The following MINDY4 variants were observed in gnomAD, a reference collection of about 807,000 sequenced individuals.
The protein encoded by MINDY4 is MINDY lysine 48 deubiquitinase 4.
In MINDY4, 68 loss-of-function variants were observed where a neutral mutation model predicts 87.0. The observed-to-expected ratio is 0.78, with a 90% CI of 0.64 to 0.96. The LOEUF is 0.96. Ranked by LOEUF, MINDY4 falls within the 40% of genes least tolerant of loss-of-function variation. The probability of loss-of-function intolerance (pLI) is 0.00; values close to 1 mark genes in which losing one functional copy is unlikely to be tolerated. For missense variants in MINDY4, 919 were observed against 928.2 expected (o/e 0.99, Z 0.13); for synonymous variants, 379 against 363.2 (o/e 1.04, Z -0.50).
chr7:30,828,625 G>T, intron 5 of MINDY4, 54 bp from the exon 6 acceptor site: 1 of 1,574,156 alleles, frequency 6.4e-7, no homozygotes, highest in Non-Finnish European at 8.7e-7. Context: ...CTTCTCTGCC[G>T]TTTACATTTC....
chr7:30,808,697 A>T (rs574890444), intron 5 of MINDY4, among the ~76,000 whole-genome samples: 1 of 152,308 alleles, frequency 6.6e-6, no homozygotes, highest in Admixed American at 6.5e-5. Flanking sequence ...ATCAGAAGGA[A>T]GCCTGGACAG....
At chr7:30,789,901 C>T (rs1787270336) in intron 4 of MINDY4, among the ~76,000 whole-genome samples, 2 of 152,168 alleles carry the variant, frequency 1.3e-5, no homozygotes, top group Non-Finnish European at 2.9e-5. Flanking sequence ...TCAATTGACT[C>T]CTCTAGAATT....
At chr7:30,855,129 C>G (rs560278359) in intron 12 of MINDY4, among the ~76,000 whole-genome samples, 1 of 151,318 alleles carries the variant, frequency 6.6e-6, no homozygotes, top group African/African-American at 2.5e-5. Context: ...GAGCAGGGGC[C>G]TGGGGGCCCC....
At chr7:30,845,536 AGG>A (rs71697406) in intron 9 of MINDY4, among the ~76,000 whole-genome samples, 1 of 140,456 alleles carries the variant, frequency 7.1e-6, no homozygotes, top group South Asian at 2.3e-4. Context: ...AAAAAAAAAA[AGG>A]GCAAGCTCTT....
At chr7:30,789,122 A>G (rs1054295139) in intron 4 of MINDY4, among the ~76,000 whole-genome samples, 1 of 151,342 alleles carries the variant, frequency 6.6e-6, no homozygotes, top group African/African-American at 2.4e-5. Context: ...GAATTCCCTA[A>G]AAGGATCTGG....
At chr7:30,779,503 A>T in intron 2 of MINDY4, 1 of 152,362 alleles carries the variant, frequency 6.6e-6, no homozygotes, top group East Asian at 1.9e-4. Context: ...ACAATTTTTT[A>T]AAAAAGCAAT....
At chr7:30,782,346 GT>G in intron 3 of MINDY4, 134 bp downstream of exon 3, 1 of 234,908 alleles carries the variant, frequency 4.3e-6, no homozygotes, top group Admixed American at 6.7e-5. Context: ...GTATGTTTGT[GT>G]GTGTGTGTGT....
chr7:30,871,200 C>T (rs540293564), intron 13 of MINDY4, among the ~76,000 whole-genome samples: 4 of 152,286 alleles, frequency 2.6e-5, no homozygotes, highest in East Asian at 1.9e-4. Context: ...CCTGGTCTCA[C>T]GTTGCCCCCC....
intron 14 of MINDY4, among the ~76,000 whole-genome samples, chr7:30,874,841 G>A (rs1173910235): frequency 1.3e-5 from 2 of 152,222 alleles, no homozygotes; most frequent in African/African-American, 4.8e-5. Context: ...ACCATGGTCA[G>A]TTTCCTGGTT....
At chr7:30,876,199 C>T (rs1016373392) in intron 15 of MINDY4, among the ~76,000 whole-genome samples, 15 of 152,110 alleles carry the variant, frequency 9.9e-5, no homozygotes, top group African/African-American at 3.4e-4. Flanking sequence ...TGGCATTCCT[C>T]GACCATATAG....
intron 5 of MINDY4, among the ~76,000 whole-genome samples, chr7:30,825,306 G>T (rs1788465438): frequency 6.6e-6 from 1 of 152,188 alleles, no homozygotes; most frequent in African/African-American, 2.4e-5. Context: ...AGTCTCCTCT[G>T]GTGATGAGAT....
chr7:30,800,216 G>C (rs957747358), intron 5 of MINDY4, among the ~76,000 whole-genome samples: 2 of 152,156 alleles, frequency 1.3e-5, no homozygotes, highest in Non-Finnish European at 2.9e-5. Context: ...AGGTATTACA[G>C]TAAAGATAAA....
rs536465615 is a variant in MINDY4, at chr7:30,858,875, A to G, written c.1678-382A>G. The G allele has an allele frequency of 6.9e-4, 284 of 412,012 alleles. 3 individuals carry two copies. Among genetic ancestry groups the G allele is most frequent in the African/African-American group, 5.6e-3 (278 of 49,232 alleles). 25.5% of individuals were successfully genotyped at this position (412,012 alleles called of 1,614,324 possible). A position where few individuals can be genotyped will look rare whatever the true frequency, so the allele number is the denominator to read the frequency against. On this transcript the variant is annotated intron_variant, in intron 12 of 17. Transcript: ENST00000265299. Reference sequence around the variant, plus strand: ...CTCAGTTTCTGAGCCTCAGTTCCACATATGCTAGAGGGCAGTAATCATAGT... The same window carrying G: ...CTCAGTTTCTGAGCCTCAGTTCCACGTATGCTAGAGGGCAGTAATCATAGT...
Position 30,785,908 on chromosome 7 carries a change from G to A in MINDY4, c.579G>A (p.Val193=). ...DKLHSEPSLD[V]KRMGENSRPK... ...TTCACTCGGAGCCTTCCTTGGATGT[G>A]AAGAGGATGGGAGAGAATTCCAGGC... Residue 193 remains valine, a synonymous_variant, in exon 4 of 18, where the codon GTG becomes GTA. Coordinates refer to ENST00000265299, the MANE Select transcript of MINDY4 (RefSeq NM_032222.3). 9 of 1,614,258 alleles carry A rather than the reference G, an allele frequency of 5.6e-6. No homozygotes were observed. Among genetic ancestry groups the A allele is most frequent in the Non-Finnish European group, 7.6e-6 (9 of 1,180,052 alleles).
intron 10 of MINDY4, 24 bp downstream of exon 10, chr7:30,850,579 T>G: frequency 2.5e-6 from 4 of 1,576,982 alleles, no homozygotes; most frequent in Non-Finnish European, 3.4e-6. Flanking sequence ...AGGTCTGTGT[T>G]GCCGTGGCTC....
At chr7:30,837,879 A>C (rs1788908863) in intron 7 of MINDY4, among the ~76,000 whole-genome samples, 1 of 152,208 alleles carries the variant, frequency 6.6e-6, no homozygotes, top group Non-Finnish European at 1.5e-5. Flanking sequence ...AGATGAATCC[A>C]CACATCCTTT....
At position 30,805,800 on chromosome 7, in the gene MINDY4, G is replaced by A. The variant is rs547225042; in HGVS notation, c.1073+14226G>A. Among the ~76,000 whole-genome samples the A allele has an allele frequency of 2.0e-5, 3 of 152,282 alleles. No individual in the cohort carries two copies. In the East Asian group the frequency reaches 5.8e-4, roughly 29 times the overall value. On this transcript the variant is annotated intron_variant, in intron 5 of 17. Coordinates refer to ENST00000265299, the MANE Select transcript of MINDY4 (RefSeq NM_032222.3). ...AAGTTTAGAGATGAAGGGTACACAG[G>A]GACAGGGTGGCAGCTCAAGAAAGAA... is the stretch of plus-strand genomic sequence containing the variant.
chr7:30,840,673 A>G, intron 8 of MINDY4, 87 bp from the exon 9 acceptor site: 1 of 1,099,546 alleles, frequency 9.1e-7, no homozygotes, highest in Non-Finnish European at 1.4e-6. Flanking sequence ...TTACTCTATC[A>G]GGTGGGTTCT....
At chr7:30,859,747 G>A (rs562405990) in intron 13 of MINDY4, among the ~76,000 whole-genome samples, 7 of 152,304 alleles carry the variant, frequency 4.6e-5, no homozygotes, top group South Asian at 2.1e-4. Context: ...CTGCAGTCGC[G>A]TGGACAAGGC....
Sources: gnomAD v4.1 joint callset for allele counts (sites outside exome capture counted in the v4.1 genomes callset) on GRCh38, gnomAD v4.1.1 for gene constraint, MANE v1.5 for transcripts, NCBI Gene and HGNC (gene_info 2026-07-23, HGNC 2026-07-21) for gene names.